The following DENND1A variants were observed in gnomAD, a reference collection of about 807,000 sequenced individuals.
DENND1A encodes DENN domain-containing protein 1A.
Under a neutral mutation model 113.7 loss-of-function variants are expected in DENND1A, and 51 were observed. The observed-to-expected ratio is 0.45, with a 90% CI of 0.36 to 0.57. DENND1A has a LOEUF of 0.57. DENND1A is among the 20% of genes least tolerant of loss of function. The pLI, the probability that DENND1A is intolerant of heterozygous loss-of-function variation, is 0.00. For missense variants in DENND1A, 1,258 were observed against 1,395.9 expected, an observed-to-expected ratio of 0.90 and a Z score of 1.57; for synonymous variants, 565 against 570.8, an observed-to-expected ratio of 0.99 and a Z score of 0.14.
chr9:123,495,141 T>TCTC (rs2051763656), intron 13 of DENND1A, among the ~76,000 whole-genome samples: 3 of 140,646 alleles, frequency 2.1e-5, no homozygotes, highest in African/African-American at 8.5e-5. Flanking sequence ...CATTGTCTCT[T>TCTC]TCTCTCTCTC....
chr9:123,425,907 G>A (rs980862233), intron 19 of DENND1A, among the ~76,000 whole-genome samples: 17 of 152,228 alleles, frequency 1.1e-4, no homozygotes, highest in Non-Finnish European at 2.1e-4. Context: ...CAGCAGAGAT[G>A]GTAGGGGCTG....
Position 123,557,669 on chromosome 9 carries a change from T to C in DENND1A, c.894A>G (p.Lys298=). 6.2e-7 allele frequency: 1 copy of C among 1,613,954 alleles called. No individual in the cohort carries two copies. Among genetic ancestry groups the C allele is most frequent in the Non-Finnish European group, 8.5e-7 (1 of 1,179,922 alleles). Reference sequence around the variant, plus strand: ...CATCCCCAGTGGTTGTGGAGACCTTTTTCAGCCTGTTCTTCAGGGAAGAGA... The same window carrying C: ...CATCCCCAGTGGTTGTGGAGACCTTCTTCAGCCTGTTCTTCAGGGAAGAGA... ...DVISSLKNRL[K]KVSTTTGDGV... is the part of the protein sequence containing the mutation. Residue 298 remains lysine, a synonymous_variant, in exon 13 of 24, where the codon AAA becomes AAG. Transcript: ENST00000394215.
intron 17 of DENND1A, among the ~76,000 whole-genome samples, chr9:123,451,675 T>A (rs2047729278): frequency 6.6e-6 from 1 of 152,270 alleles, no homozygotes; most frequent in South Asian, 2.1e-4. Flanking sequence ...TGCTTCCGGG[T>A]CTCAGAAACA....
At chr9:123,834,842 C>G (rs1840812044) in intron 2 of DENND1A, among the ~76,000 whole-genome samples, 1 of 152,188 alleles carries the variant, frequency 6.6e-6, no homozygotes, top group South Asian at 2.1e-4. Context: ...GGCAAAAGAT[C>G]AAGGTTTCTA....
rs568762929 is a variant in DENND1A, at chr9:123,739,209, T to C, written c.302+18494A>G. 7.2e-5 allele frequency among the ~76,000 whole-genome samples: 11 copies of C among 152,274 alleles called. No individual in the cohort carries two copies. The South Asian group carries it at 2.3e-3, about 32-fold the overall frequency. On this transcript the variant is annotated intron_variant, in intron 5 of 23. Transcript: ENST00000394215. ...TTGTGGAGTTTTCAGGGCTGACTTA[T>C]GAGTTTCAAATAATTACCTTATAGA...
chr9:123,407,800 G>A (rs947707144), intron 20 of DENND1A, among the ~76,000 whole-genome samples: 2 of 152,278 alleles, frequency 1.3e-5, no homozygotes, highest in East Asian at 1.9e-4. Context: ...AATCTAAGTC[G>A]GCAGGGTTAA....
chr9:123,473,548 A>G (rs533048928), intron 13 of DENND1A, among the ~76,000 whole-genome samples: 6 of 152,154 alleles, frequency 3.9e-5, no homozygotes, highest in Admixed American at 3.9e-4. Context: ...AAAAATGCCA[A>G]CTCCGCTCCT....
At chr9:123,740,382 A>G (rs1035510487) in intron 5 of DENND1A, among the ~76,000 whole-genome samples, 4 of 152,192 alleles carry the variant, frequency 2.6e-5, no homozygotes, top group Non-Finnish European at 4.4e-5. Flanking sequence ...ACAGAAGATA[A>G]GCATTAAACA....
chr9:123,583,173 T>C lies in DENND1A; in HGVS notation c.863A>G (p.Asp288Gly), dbSNP rs1210752214. The change falls in exon 12 of 24, where the codon GAC becomes GGC. Residue 288 changes from aspartate (D) to glycine (G), a missense_variant. By Grantham distance (94) the Asp-to-Gly change is moderately conservative. This residue lies in a region of DENND1A where 1,159 missense variants were observed against 1,231.7 expected (regional missense o/e 0.94). Transcript: ENST00000394215. ...CCTCGCAAGCTCATTACCTACCACG[T>C]CGTTTGGGAGGCTCTGGAGGTCATC... The part of the protein sequence containing the change: ...PFDDLQSLPN[D>G]VISSLKNRLK... The C allele has an allele frequency of 6.2e-7, 1 of 1,607,578 alleles. No homozygotes were observed.
Position 123,667,072 on chromosome 9 carries a change from T to C in DENND1A, c.461A>G (p.Tyr154Cys). The change falls in exon 8 of 24, where the codon TAT becomes TGT. Residue 154 changes from tyrosine (Y) to cysteine (C), a missense_variant. By Grantham distance (194) the Tyr-to-Cys change is radical (BLOSUM62 -2). This residue lies in a region of DENND1A where 1,159 missense variants were observed against 1,231.7 expected (regional missense o/e 0.94). Coordinates refer to ENST00000394215, the MANE Select transcript of DENND1A (RefSeq NM_001352964.2). Reference protein sequence around the residue: ...GVSVHLSVHSYFTVPDTRELP... With the variant: ...GVSVHLSVHSCFTVPDTRELP... ...TTCTCTGGTATCAGGCACAGTAAAA[T>C]AAGAATGCTAGAAAAGAAAAGCAAA... 6 of 1,601,006 alleles carry C rather than the reference T, an allele frequency of 3.7e-6. No homozygotes were observed. The highest frequency in any genetic ancestry group is 5.1e-6 in the Non-Finnish European group (6 of 1,176,170).
chr9:123,773,098 T>C (rs1250460144), intron 3 of DENND1A, among the ~76,000 whole-genome samples: 2 of 152,112 alleles, frequency 1.3e-5, no homozygotes, highest in Non-Finnish European at 2.9e-5. Context: ...CCTAACAAAA[T>C]ATATGATACT....
rs189780201 is a variant in DENND1A, at chr9:123,709,008, C to T, written c.303-32219G>A. Among the ~76,000 whole-genome samples, 345 of 152,336 alleles carry T rather than the reference C, an allele frequency of 2.3e-3. 3 individuals are homozygous for T. The highest frequency in any genetic ancestry group is 8.0e-3 in the African/African-American group (333 of 41,582). ...CCCCGCCTCAGCCCTTTTTGGCTAT[C>T]AGTAGGCTGCCTACCATTCCCCTGG... On this transcript the variant is annotated intron_variant, in intron 5 of 23. Transcript: ENST00000394215.
chr9:123,701,762 G>A (rs1589726435), intron 5 of DENND1A, among the ~76,000 whole-genome samples: 1 of 152,354 alleles, frequency 6.6e-6, no homozygotes, highest in South Asian at 2.1e-4. Context: ...CACAGCTACA[G>A]CAATCTGAGG....
chr9:123,493,337 G>A (rs916747935), intron 13 of DENND1A, among the ~76,000 whole-genome samples: 1 of 152,178 alleles, frequency 6.6e-6, no homozygotes, highest in African/African-American at 2.4e-5. Context: ...GTTTCTTTGT[G>A]AATCGATTCT....
intron 5 of DENND1A, among the ~76,000 whole-genome samples, chr9:123,708,762 T>A (rs1478906850): frequency 2.0e-5 from 3 of 152,156 alleles, no homozygotes; most frequent in African/African-American, 7.2e-5. Context: ...TGGGAATTTT[T>A]AAAAACAAAA....
intron 5 of DENND1A, among the ~76,000 whole-genome samples, chr9:123,682,856 T>C (rs1214185344): frequency 6.6e-6 from 1 of 152,226 alleles, no homozygotes; most frequent in Non-Finnish European, 1.5e-5. Flanking sequence ...CTTTGATTCC[T>C]GGTGTCTGGG....
chr9:123,699,855 A>G (rs7870003), intron 5 of DENND1A, among the ~76,000 whole-genome samples: 16,631 of 151,700 alleles, frequency 0.11, 1,241 homozygotes, highest in African/African-American at 0.2. Flanking sequence ...GTGCCAACAC[A>G]CCCAGCTAAT....
intron 1 of DENND1A, among the ~76,000 whole-genome samples, chr9:123,889,045 T>C (rs1165746251): frequency 6.6e-6 from 1 of 151,246 alleles, no homozygotes; most frequent in Non-Finnish European, 1.5e-5. Flanking sequence ...AACTTTTCTA[T>C]AAGATTCTAG....
intron 2 of DENND1A, among the ~76,000 whole-genome samples, chr9:123,796,148 G>C (rs1227793810): frequency 6.6e-6 from 1 of 152,160 alleles, no homozygotes; most frequent in South Asian, 2.1e-4. Context: ...TAGAGTCCAT[G>C]CATCTCTTAA....
Sources: gnomAD v4.1 joint callset for allele counts (sites outside exome capture counted in the v4.1 genomes callset) on GRCh38, gnomAD v4.1.1 for gene constraint, gnomAD v4.1.1 regional missense constraint, MANE v1.5 for transcripts, NCBI Gene and HGNC (gene_info 2026-07-23, HGNC 2026-07-21) for gene names.